Variants in PABIR3 observed in about 807,000 individuals in gnomAD.
The protein encoded by PABIR3 is PABIR family member 3.
A neutral mutation model predicts 23.1 loss-of-function variants in PABIR3; 20 were observed. The ratio of observed to expected loss-of-function variants is 0.86; its 90% CI spans 0.61 to 1.26. The LOEUF is 1.26. Ranked by LOEUF, PABIR3 falls within the 50% of genes most tolerant of loss-of-function variation. PABIR3 has a pLI of 0.00. For synonymous variants in PABIR3, 69 were observed against 68.5 expected, an observed-to-expected ratio of 1.01 and a Z score of -0.04; for missense variants, 189 against 195.4, an observed-to-expected ratio of 0.97 and a Z score of 0.20.
chrX:134,817,507 A>G (rs938791815), intron 3 of PABIR3, among the ~76,000 whole-genome samples: 1 of 104,415 alleles, frequency 9.6e-6, no homozygotes, highest in Non-Finnish European at 1.9e-5. Context: ...TTTGGGGAGG[A>G]GATAACATCT....
At chrX:134,831,666 T>C (rs1402599732) in intron 4 of PABIR3, 2 of 111,654 alleles carry the variant, frequency 1.8e-5, no homozygotes, top group Non-Finnish European at 3.8e-5. Flanking sequence ...TACTTTGATA[T>C]AGGTATGCAA....
upstream of PABIR3, among the ~76,000 whole-genome samples, chrX:134,804,437 T>C (rs1017790100): frequency 8.9e-6 from 1 of 112,156 alleles, no homozygotes; most frequent in Non-Finnish European, 1.9e-5. Context: ...CATGTAGCTG[T>C]TCTTTTGTAA....
At chrX:134,843,790 A>G (rs2082336907) in intron 4 of PABIR3, among the ~76,000 whole-genome samples, 2 of 108,990 alleles carry the variant, frequency 1.8e-5, no homozygotes, top group East Asian at 5.7e-4. Flanking sequence ...GATGGTCTCA[A>G]TCTCCTGACC....
chrX:134,819,666 C>A (rs1782425784), intron 3 of PABIR3, among the ~76,000 whole-genome samples: 1 of 111,134 alleles, frequency 9.0e-6, no homozygotes, highest in Non-Finnish European at 1.9e-5. Context: ...GGGCGGATCA[C>A]CTGAGGTCGG....
rs139769240 is a variant in PABIR3 at position 134,847,432 on chromosome X, C to A, written c.395C>A (p.Thr132Asn). 1.7e-6 allele frequency: 2 copies of A among 1,205,527 alleles called. No homozygotes were observed. The highest frequency in any genetic ancestry group is 2.2e-6 in the Non-Finnish European group (2 of 891,689). ...TCCTCTCTAAAGTGCATTGATTTAA[C>A]TCCAGTATCCTCAATGGCTTCTTCC... is the stretch of plus-strand genomic sequence containing the variant. ...KSSSLKCIDL[T>N]PVSSMASSIK... Residue 132 changes from threonine (T) to asparagine (N), a missense_variant, in exon 7 of 11, where the codon ACT (threonine) becomes AAT (asparagine). Thr to Asn is a moderately conservative substitution (Grantham distance 65). Transcript: ENST00000645433.
At chrX:134,804,723 C>T (rs949461262), upstream of PABIR3, among the ~76,000 whole-genome samples, 1 of 112,464 alleles carries the variant, frequency 8.9e-6, no homozygotes, top group Admixed American at 9.4e-5. Context: ...TTAAAATGAA[C>T]ACAATGGAGG....
intron 4 of PABIR3, among the ~76,000 whole-genome samples, chrX:134,842,767 G>A (rs1481213729): frequency 1.2e-4 from 13 of 109,950 alleles, no homozygotes; most frequent in Non-Finnish European, 1.9e-4. Context: ...GTGTGGTGGC[G>A]GGTGCCTGTA....
the PABIR3 span, among the ~76,000 whole-genome samples, chrX:134,863,884 T>C: frequency 2.7e-5 from 3 of 111,581 alleles, no homozygotes; most frequent in Non-Finnish European, 5.6e-5. Context: ...ACTTCCACCA[T>C]GCATATGGGC....
intron 2 of PABIR3, 68 bp from the exon 3 acceptor site, chrX:134,814,703 C>CAA (rs201263798): frequency 3.4e-3 from 2,107 of 625,741 alleles, no homozygotes; most frequent in East Asian, 3.8e-3. Context: ...GACTCCGTCT[C>CAA]AAAAAAAAAA....
At chrX:134,830,516 A>G (rs886686907) in intron 4 of PABIR3, among the ~76,000 whole-genome samples, 1 of 107,803 alleles carries the variant, frequency 9.3e-6, no homozygotes, top group Non-Finnish European at 1.9e-5. Flanking sequence ...TATTTTTAGT[A>G]GAGACGGGGT....
chrX:134,862,773 A>G, the PABIR3 span, among the ~76,000 whole-genome samples: 2 of 112,007 alleles, frequency 1.8e-5, no homozygotes, highest in Middle Eastern at 9.2e-3. Context: ...ATTAAAGTCT[A>G]AGAGTCTTTC....
rs1162024470 is a variant in PABIR3, at chrX:134,832,394, C to CTTT, written c.246+3137_246+3139dup. On this transcript the variant is annotated intron_variant, in intron 4 of 10. Coordinates refer to ENST00000645433, the MANE Select transcript of PABIR3 (RefSeq NM_001388447.1). The stretch of plus-strand genomic sequence containing the variant: ...CATGTTGCTACAAACGACTGGATCC[C>CTTT]TTTTTTTTTTTTTTTTTTTTTTTTT... Among the ~76,000 whole-genome samples the CTTT allele has an allele frequency of 2.5e-4, 19 of 77,021 alleles. 1 individual carries two copies. Among genetic ancestry groups the CTTT allele is most frequent in the South Asian group, 1.1e-3 (2 of 1,755 alleles). The allele number at this position is 77,021 out of a possible 115,157, so 66.9% of individuals were successfully genotyped here.
intron 3 of PABIR3, among the ~76,000 whole-genome samples, chrX:134,819,209 A>G (rs1470491826): frequency 9.0e-6 from 1 of 111,087 alleles, no homozygotes; most frequent in Non-Finnish European, 1.9e-5. Context: ...TACTGGGATT[A>G]CAGGCATAAG....
At chrX:134,860,348 C>G in the PABIR3 span, among the ~76,000 whole-genome samples, 1 of 112,048 alleles carries the variant, frequency 8.9e-6, no homozygotes, top group African/African-American at 3.2e-5. Context: ...CTTGGCCTCC[C>G]AAAGTACTGG....
At chrX:134,848,028 C>T in intron 8 of PABIR3, 57 bp downstream of exon 8, 1 of 964,910 alleles carries the variant, frequency 1.0e-6, no homozygotes, top group Non-Finnish European at 1.4e-6. Flanking sequence ...ATTATAGAAA[C>T]CTAAAAGAAA....
intron 2 of PABIR3, among the ~76,000 whole-genome samples, chrX:134,813,143 A>G (rs1189044607): frequency 8.9e-6 from 1 of 112,102 alleles, no homozygotes; most frequent in Non-Finnish European, 1.9e-5. Context: ...TGGCAACTGT[A>G]TGTTTCTGCC....
chrX:134,852,212 C>T (rs1286400266), intron 9 of PABIR3, among the ~76,000 whole-genome samples: 4 of 112,102 alleles, frequency 3.6e-5, no homozygotes, highest in Admixed American at 1.9e-4. Flanking sequence ...CAGTGGCTCA[C>T]GCCTGTAATC....
intron 4 of PABIR3, among the ~76,000 whole-genome samples, chrX:134,843,100 T>A (rs773623965): frequency 9.2e-6 from 1 of 108,975 alleles, no homozygotes; most frequent in Non-Finnish European, 1.9e-5. Flanking sequence ...CTCAGGAGGC[T>A]GAGACAGGAG....
rs958763247 is a variant in PABIR3, at chrX:134,823,472, C to T, written c.190-5754C>T. On this transcript the variant is annotated intron_variant, in intron 3 of 10. Coordinates refer to ENST00000645433, the MANE Select transcript of PABIR3 (RefSeq NM_001388447.1). ...GTGAACCTTAGTAGCATGAATTAAA[C>T]GTATTAAAATTCTGCCTCTTCAAAG... 4.5e-5 allele frequency among the ~76,000 whole-genome samples: 5 copies of T among 111,196 alleles called. No individual in the cohort carries two copies. In the East Asian group the frequency reaches 8.4e-4, roughly 19 times the overall value.
Sources: gnomAD v4.1 joint callset for allele counts (sites outside exome capture counted in the v4.1 genomes callset) on GRCh38, gnomAD v4.1.1 for gene constraint, MANE v1.5 for transcripts, NCBI Gene and HGNC (gene_info 2026-07-23, HGNC 2026-07-21) for gene names.